Variants in NCAPD3 observed in about 807,000 individuals in gnomAD.
NCAPD3 encodes non-SMC condensin II complex subunit D3.
NCAPD3 carries 105 observed loss-of-function variants against 182.9 expected under a neutral mutation model. The observed-to-expected ratio is 0.57, with a 90% CI of 0.49 to 0.68. The LOEUF (loss-of-function observed/expected upper bound fraction) is 0.68. Ranked by LOEUF, NCAPD3 falls within the 30% of genes least tolerant of loss-of-function variation. NCAPD3 has a pLI of 0.00. For synonymous variants in NCAPD3, 815 were observed against 679.9 expected (o/e 1.20, Z -3.09); for missense variants, 1,944 against 1,837.0 (o/e 1.06, Z -1.07).
intron 27 of NCAPD3, among the ~76,000 whole-genome samples, chr11:134,165,600 G>A (rs1398280981): frequency 6.8e-6 from 1 of 146,866 alleles, no homozygotes; most frequent in Admixed American, 6.8e-5. Flanking sequence ...AGTGAGATGA[G>A]CTTGGGGGAG....
intron 32 of NCAPD3, chr11:134,153,657 C>CT (rs1943329904): frequency 2.1e-6 from 1 of 473,710 alleles, no homozygotes; most frequent in African/African-American, 2.0e-5. Context: ...ATCATTGCCC[C>CT]TGTCCCGGTG....
intron 8 of NCAPD3, among the ~76,000 whole-genome samples, chr11:134,206,187 A>T (rs1188239903): frequency 6.6e-6 from 1 of 152,210 alleles, no homozygotes; most frequent in African/African-American, 2.4e-5. Flanking sequence ...GGAATAGAAA[A>T]GTGCAAAGAA....
chr11:134,155,228 C>T (rs944631630), intron 32 of NCAPD3, among the ~76,000 whole-genome samples: 1 of 152,136 alleles, frequency 6.6e-6, no homozygotes, highest in Non-Finnish European at 1.5e-5. Context: ...TGAATTGGTG[C>T]TGAACTGGGT....
At chr11:134,207,209 C>T (rs949423745) in intron 7 of NCAPD3, among the ~76,000 whole-genome samples, 1 of 152,140 alleles carries the variant, frequency 6.6e-6, no homozygotes. Context: ...TTACTGAAAA[C>T]CAAGTAAGTG....
chr11:134,223,888 G>T lies in NCAPD3; in HGVS notation c.39C>A (p.Pro13=), dbSNP rs759968979. 2 of 1,612,754 alleles carry T rather than the reference G, an allele frequency of 1.2e-6. No homozygotes were observed. The highest frequency in any genetic ancestry group is 2.2e-5 in the South Asian group (2 of 91,024). The change falls in exon 1 of 35, where the codon CCC becomes CCA. Residue 13 remains proline (P), a synonymous_variant. Coordinates refer to ENST00000534548, the MANE Select transcript of NCAPD3 (RefSeq NM_015261.3). The stretch of plus-strand genomic sequence containing the variant: ...CGAGTCTAAGATCCAGCGGACACCA[G>T]GGCTGCAGGCCGCTACCAAGGCCCC... ...ALRGLGSGLQ[P]WCPLDLRLEW...
chr11:134,210,637 G>A (rs1291884836), intron 3 of NCAPD3, among the ~76,000 whole-genome samples, 183 bp from the exon 4 acceptor site: 3 of 152,170 alleles, frequency 2.0e-5, no homozygotes. Flanking sequence ...CTGCATCAGA[G>A]GTAAGTAACA....
chr11:134,217,019 A>T lies in NCAPD3; in HGVS notation c.299T>A (p.Val100Asp). 6.2e-7 allele frequency: 1 copy of T among 1,613,992 alleles called. No individual in the cohort carries two copies. Among genetic ancestry groups the T allele is most frequent in the Non-Finnish European group, 8.5e-7 (1 of 1,179,938 alleles). ...CTGTACACTGACATTCTTCTTATGA[A>T]CTATTTGAACAAAATGATAGAACAA... The part of the protein sequence containing the change: ...VALFYHFVQI[V>D]HKKNVSVQYR... The change falls in exon 3 of 35, where the codon GTT becomes GAT. Residue 100 changes from valine to aspartate, a missense_variant. Val to Asp is a radical substitution (Grantham distance 152, BLOSUM62 -3). This residue lies in a region of NCAPD3 where 131 missense variants were observed against 133.9 expected (regional missense o/e 0.98). Coordinates refer to ENST00000534548, the MANE Select transcript of NCAPD3 (RefSeq NM_015261.3).
chr11:134,193,717 C>T (rs892955424), intron 15 of NCAPD3, among the ~76,000 whole-genome samples: 2 of 152,212 alleles, frequency 1.3e-5, no homozygotes, highest in Non-Finnish European at 2.9e-5. Context: ...TGTGCCACTG[C>T]ACTCTAAGCC....
rs1012472168 is a variant in NCAPD3 at position 134,176,470 on chromosome 11, C to G, written c.3022-84G>C. ...TCCCAGCCACACCCCACCCACCACG[C>G]GGTCTGTCCCCGGCACACTGGCTGA... On this transcript the variant is annotated intron_variant, in intron 23 of 34. Transcript: ENST00000534548. 4 of 1,146,140 alleles carry G rather than the reference C, an allele frequency of 3.5e-6. No individual in the cohort carries two copies. In the South Asian group the frequency reaches 3.7e-5, roughly 11 times the overall value. 71.0% of individuals were successfully genotyped at this position (1,146,140 alleles called of 1,614,324 possible).
At chr11:134,156,646 C>T (rs906174265) in intron 32 of NCAPD3, among the ~76,000 whole-genome samples, 6 of 152,238 alleles carry the variant, frequency 3.9e-5, no homozygotes, top group East Asian at 1.9e-4. Flanking sequence ...TGACGTCTGC[C>T]CGCCCTGGGA....
intron 2 of NCAPD3, among the ~76,000 whole-genome samples, chr11:134,219,295 C>T (rs1938139543): frequency 6.6e-6 from 1 of 152,140 alleles, no homozygotes; most frequent in African/African-American, 2.4e-5. Flanking sequence ...AAATCCGCAC[C>T]TCTCTTGGAG....
chr11:134,152,292 A>C lies in NCAPD3; in HGVS notation c.*652T>G, dbSNP rs187016207. On this transcript the variant is annotated 3_prime_UTR_variant, in exon 35 of 35. Coordinates refer to ENST00000534548, the MANE Select transcript of NCAPD3 (RefSeq NM_015261.3). The stretch of plus-strand genomic sequence containing the variant: ...GCACACCGCCTCTGCCTGGGCACAG[A>C]TGAACTGCCCTTCAAGACAATCATC... 1.3e-5 allele frequency: 2 copies of C among 152,350 alleles called. No homozygotes were observed. Among genetic ancestry groups the C allele is most frequent in the Non-Finnish European group, 2.9e-5 (2 of 68,038 alleles). The allele number at this position is 152,350 out of a possible 1,614,324, so 9.4% of individuals were successfully genotyped here. A position where few individuals can be genotyped will look rare whatever the true frequency, so the allele number is the denominator to read the frequency against.
intron 7 of NCAPD3, among the ~76,000 whole-genome samples, chr11:134,208,523 C>T (rs1937703444): frequency 6.6e-6 from 1 of 152,094 alleles, no homozygotes; most frequent in South Asian, 2.1e-4. Flanking sequence ...GGAAATATTC[C>T]TATAGAAGTA....
intron 27 of NCAPD3, among the ~76,000 whole-genome samples, chr11:134,166,760 CGT>C (rs1433640224): frequency 1.0e-5 from 1 of 97,116 alleles, no homozygotes; most frequent in Non-Finnish European, 2.0e-5. Flanking sequence ...GGCGCACACT[CGT>C]GAGATGAGCT....
chr11:134,167,455 G>A (rs1393499479), intron 27 of NCAPD3, among the ~76,000 whole-genome samples: 1 of 139,850 alleles, frequency 7.2e-6, no homozygotes, highest in African/African-American at 2.7e-5. Context: ...AGGAGCTTAG[G>A]GGAGGCGCAC....
At chr11:134,174,414 A>C (rs1231543404) in intron 24 of NCAPD3, among the ~76,000 whole-genome samples, 1 of 151,104 alleles carries the variant, frequency 6.6e-6, no homozygotes, top group Non-Finnish European at 1.5e-5. Context: ...AAAGCAAACA[A>C]AAAAAACAGT....
intron 29 of NCAPD3, 80 bp downstream of exon 29, chr11:134,159,812 G>C: frequency 7.0e-7 from 1 of 1,428,712 alleles, no homozygotes; most frequent in Non-Finnish European, 9.4e-7. Flanking sequence ...GAGATCTTGA[G>C]AGGTGCCAGA....
chr11:134,169,841 G>C (rs1943963369), intron 24 of NCAPD3, among the ~76,000 whole-genome samples: 1 of 152,224 alleles, frequency 6.6e-6, no homozygotes, highest in Non-Finnish European at 1.5e-5. Context: ...AACTAACATG[G>C]TGCAGGACTC....
chr11:134,175,931 T>G (rs1200114770), intron 24 of NCAPD3, among the ~76,000 whole-genome samples: 2 of 152,134 alleles, frequency 1.3e-5, no homozygotes, highest in East Asian at 3.8e-4. Flanking sequence ...GTCTCAGCTC[T>G]TTATCAAAAT....
Sources: gnomAD v4.1 joint callset for allele counts (sites outside exome capture counted in the v4.1 genomes callset) on GRCh38, gnomAD v4.1.1 for gene constraint, gnomAD v4.1.1 regional missense constraint, MANE v1.5 for transcripts, NCBI Gene and HGNC (gene_info 2026-07-23, HGNC 2026-07-21) for gene names.